The following NKAIN2 variants were observed in gnomAD, a reference collection of about 807,000 sequenced individuals.
NKAIN2 encodes sodium/potassium transporting ATPase interacting 2.
A neutral mutation model predicts 32.6 loss-of-function variants in NKAIN2; 14 were observed. That is an observed-to-expected ratio of 0.43 (90% CI 0.28 to 0.67). The LOEUF (loss-of-function observed/expected upper bound fraction) is 0.67, where lower values mean the gene tolerates loss of function less well. NKAIN2 is among the 30% of genes least tolerant of loss of function. The pLI is 0.17. For synonymous variants in NKAIN2, 80 were observed against 87.2 expected, an observed-to-expected ratio of 0.92 and a Z score of 0.46; for missense variants, 198 against 258.3, an observed-to-expected ratio of 0.77 and a Z score of 1.60.
chr6:124,120,772 A>G (rs1484392116), intron 1 of NKAIN2, among the ~76,000 whole-genome samples: 2 of 152,142 alleles, frequency 1.3e-5, no homozygotes, highest in Non-Finnish European at 2.9e-5. Context: ...AAACCTTAAT[A>G]CAAGTAGAAA....
intron 1 of NKAIN2, among the ~76,000 whole-genome samples, chr6:124,168,950 C>G (rs1443106685): frequency 6.6e-6 from 1 of 152,046 alleles, no homozygotes; most frequent in African/African-American, 2.4e-5. Flanking sequence ...GGTTCTTTGT[C>G]AAATATTTGC....
chr6:124,635,580 A>G (rs1196110141), intron 3 of NKAIN2, among the ~76,000 whole-genome samples: 1 of 152,076 alleles, frequency 6.6e-6, no homozygotes, highest in African/African-American at 2.4e-5. Context: ...AAAGACACAC[A>G]TAGATTCTAA....
chr6:124,067,955 T>C (rs1022689511), intron 1 of NKAIN2, among the ~76,000 whole-genome samples: 1 of 152,198 alleles, frequency 6.6e-6, no homozygotes, highest in Non-Finnish European at 1.5e-5. Flanking sequence ...AGAATGACAG[T>C]AGTGTATACC....
At chr6:124,490,371 G>A (rs1777813120) in intron 3 of NKAIN2, 1 of 437,880 alleles carries the variant, frequency 2.3e-6, no homozygotes, top group African/African-American at 2.1e-5. Flanking sequence ...AAGGGTTGTG[G>A]AATTTCCCTC....
At chr6:124,743,038 G>A (rs772301436) in intron 4 of NKAIN2, among the ~76,000 whole-genome samples, 16 of 151,922 alleles carry the variant, frequency 1.1e-4, no homozygotes, top group Non-Finnish European at 2.1e-4. Flanking sequence ...ATCTGGCAGT[G>A]TGTCCAGCAC....
chr6:123,807,544 C>G (rs1217057350), intron 1 of NKAIN2, among the ~76,000 whole-genome samples: 1 of 152,030 alleles, frequency 6.6e-6, no homozygotes, highest in Non-Finnish European at 1.5e-5. Flanking sequence ...CTATTTGTAA[C>G]TTTCAACTTG....
intron 1 of NKAIN2, among the ~76,000 whole-genome samples, chr6:123,881,147 G>C (rs1459743091): frequency 6.6e-6 from 1 of 152,086 alleles, no homozygotes. Flanking sequence ...TCAGCCTCCC[G>C]AGTAGCTAGG....
Position 124,028,755 on chromosome 6 carries a change from A to ATG in NKAIN2, c.54+224501_54+224502insTG, listed in dbSNP as rs566958708. 1.6e-4 allele frequency among the ~76,000 whole-genome samples: 24 copies of ATG among 147,758 alleles called. No individual in the cohort carries two copies. In the South Asian group the frequency reaches 4.0e-3, roughly 25 times the overall value. ...TATACACGTATATATGTGTATATATACAAGTATATAAGTGTATATACATAT... is the reference window on the plus strand; with the variant it reads ...TATACACGTATATATGTGTATATATATGCAAGTATATAAGTGTATATACATAT... On this transcript the variant is annotated intron_variant, in intron 1 of 6. Transcript: ENST00000368417.
At chr6:124,597,449 T>C (rs1782137834) in intron 3 of NKAIN2, among the ~76,000 whole-genome samples, 1 of 152,002 alleles carries the variant, frequency 6.6e-6, no homozygotes, top group South Asian at 2.1e-4. Flanking sequence ...TCCTCTATCT[T>C]ATCTGGCAAA....
chr6:124,135,216 GAAAAA>G (rs35216364), intron 1 of NKAIN2, among the ~76,000 whole-genome samples: 6 of 148,910 alleles, frequency 4.0e-5, no homozygotes, highest in Non-Finnish European at 8.9e-5. Flanking sequence ...ATTACACAAT[GAAAAA>G]AAAAAACTGT....
At chr6:124,759,690 G>A (rs140003465) in intron 4 of NKAIN2, among the ~76,000 whole-genome samples, 302 of 139,808 alleles carry the variant, frequency 2.2e-3, no homozygotes, top group African/African-American at 7.8e-3. Flanking sequence ...ATTTTCCTCC[G>A]TCACACTTAT....
intron 1 of NKAIN2, among the ~76,000 whole-genome samples, chr6:124,199,091 A>G (rs1218834494): frequency 6.6e-6 from 1 of 152,174 alleles, no homozygotes; most frequent in Admixed American, 6.6e-5. Context: ...TTTTACCAAT[A>G]TGCTATTTTT....
intron 1 of NKAIN2, among the ~76,000 whole-genome samples, chr6:124,243,619 A>G (rs140617239): frequency 1.1e-4 from 17 of 152,266 alleles, no homozygotes; most frequent in African/African-American, 4.1e-4. Flanking sequence ...ATTGTTGGTA[A>G]CTATGGCCTT....
chr6:123,974,277 C>G (rs1778457941), intron 1 of NKAIN2, among the ~76,000 whole-genome samples: 1 of 150,734 alleles, frequency 6.6e-6, no homozygotes. Context: ...GGATATTTTC[C>G]ATTAAAGATT....
chr6:124,637,301 G>A (rs1783808326), intron 3 of NKAIN2, among the ~76,000 whole-genome samples: 1 of 151,984 alleles, frequency 6.6e-6, no homozygotes, highest in Non-Finnish European at 1.5e-5. Flanking sequence ...ATTGGGAAAA[G>A]CTAAAAGCCT....
intron 3 of NKAIN2, among the ~76,000 whole-genome samples, chr6:124,539,009 A>G (rs757531739): frequency 2.8e-4 from 43 of 152,142 alleles, no homozygotes; most frequent in Admixed American, 1.2e-3. Context: ...CTTTTACATA[A>G]TCTTTGTCAG....
chr6:124,324,674 T>A (rs1435005297), intron 2 of NKAIN2, among the ~76,000 whole-genome samples: 4 of 152,080 alleles, frequency 2.6e-5, no homozygotes, highest in Non-Finnish European at 5.9e-5. Context: ...ATTCAGTCTT[T>A]TACCATTAAG....
chr6:124,058,670 G>GT (rs575007862), intron 1 of NKAIN2, among the ~76,000 whole-genome samples: 69 of 152,158 alleles, frequency 4.5e-4, no homozygotes, highest in Non-Finnish European at 8.2e-4. Context: ...TCAGTCACCT[G>GT]TTTTTTGTAT....
chr6:124,362,169 T>A (rs368114539), intron 3 of NKAIN2, among the ~76,000 whole-genome samples: 2 of 152,154 alleles, frequency 1.3e-5, no homozygotes, highest in African/African-American at 4.8e-5. Flanking sequence ...GTTCATTTTT[T>A]AAATTTTGAT....
Sources: allele counts gnomAD v4.1 joint callset (sites outside exome capture counted in the v4.1 genomes callset), GRCh38; gene constraint gnomAD v4.1.1; transcripts MANE v1.5; gene names NCBI Gene and HGNC (gene_info 2026-07-23, HGNC 2026-07-21).